CDKN2B-AS1: variants seen among roughly 807,000 people sequenced by gnomAD.
CDKN2B-AS1 encodes CDKN2B and CDKN2A antisense cis and trans regulatory RNA 1, also known as CDKN2B antisense RNA 1 (non-protein coding).
rs577647596 is a variant in CDKN2B-AS1 at position 22,063,514 on chromosome 9, T to C, written n.438+7127T>C. ...ATTGAGGACTTAACATCAGAGACCA[T>C]ATGTTTGTTGTGACAATAATCCAAA... On this transcript the variant is annotated intron_variant and non_coding_transcript_variant, in intron 4 of 4. Transcript: ENST00000650946. Among the ~76,000 whole-genome samples, 4 of 152,220 alleles carry C rather than the reference T, an allele frequency of 2.6e-5. No homozygotes were observed. In the East Asian group the frequency reaches 7.7e-4, roughly 29 times the overall value.
intron 1 of CDKN2B-AS1, among the ~76,000 whole-genome samples, chr9:22,034,360 A>G (rs1587434330): frequency 1.3e-5 from 2 of 152,140 alleles, no homozygotes; most frequent in South Asian, 4.1e-4. Flanking sequence ...CTATAGCACT[A>G]CTTTTTCATT....
intron 4 of CDKN2B-AS1, among the ~76,000 whole-genome samples, chr9:22,085,253 A>G (rs1824828605): frequency 6.6e-6 from 1 of 152,208 alleles, no homozygotes. Flanking sequence ...ATTAATTTGT[A>G]TGAGGTAAAG....
intron 1 of CDKN2B-AS1, chr9:22,012,567 C>A: frequency 1.9e-6 from 1 of 524,222 alleles, no homozygotes; most frequent in South Asian, 1.6e-5. Context: ...GGGCAGCCTC[C>A]TGCCCAGGCC....
chr9:22,009,591 G>A (rs1025953118), intron 1 of CDKN2B-AS1, among the ~76,000 whole-genome samples: 6 of 152,230 alleles, frequency 3.9e-5, no homozygotes, highest in African/African-American at 1.4e-4. Context: ...CTAATCCCCA[G>A]TAGGCGGAGC....
Position 22,006,756 on chromosome 9 carries a change from T to C in CDKN2B-AS1, n.29+11595T>C, listed in dbSNP as rs1422143091. Among the ~76,000 whole-genome samples the C allele has an allele frequency of 6.8e-6, 1 of 148,028 alleles. No homozygotes were observed. Among genetic ancestry groups the C allele is most frequent in the Non-Finnish European group, 1.5e-5 (1 of 67,032 alleles). On this transcript the variant is annotated intron_variant and non_coding_transcript_variant, in intron 1 of 4. Coordinates refer to ENST00000650946, the Ensembl canonical transcript of CDKN2B-AS1. The surrounding 1 kb of genome is among the most constrained non-coding windows in gnomAD (Gnocchi z 6.4). ...ATAAACAACTAAGTTTTTTTCTTTCTTTTTTTTTTAATTTATTTAGTTCTC... is the reference window on the plus strand; with the variant it reads ...ATAAACAACTAAGTTTTTTTCTTTCCTTTTTTTTTAATTTATTTAGTTCTC...
intron 4 of CDKN2B-AS1, among the ~76,000 whole-genome samples, chr9:22,114,691 A>G (rs1825899113): frequency 6.6e-6 from 1 of 152,220 alleles, no homozygotes; most frequent in South Asian, 2.1e-4. Flanking sequence ...GAAAGCATGG[A>G]CTCAGTACAA....
chr9:22,007,598 AT>A (rs1318460645), intron 1 of CDKN2B-AS1, among the ~76,000 whole-genome samples: 1 of 152,150 alleles, frequency 6.6e-6, no homozygotes, highest in Non-Finnish European at 1.5e-5. Context: ...AAAATATACC[AT>A]TTAATTGAAA....
chr9:22,098,193 A>C (rs935553434), intron 4 of CDKN2B-AS1, among the ~76,000 whole-genome samples: 7 of 150,196 alleles, frequency 4.7e-5, no homozygotes, highest in African/African-American at 1.7e-4. Flanking sequence ...GTGTATTTAT[A>C]TATGTGTGTA....
chr9:22,095,397 C>T (rs1018502909), intron 4 of CDKN2B-AS1, among the ~76,000 whole-genome samples: 5 of 144,466 alleles, frequency 3.5e-5, no homozygotes, highest in South Asian at 2.1e-4. Flanking sequence ...TGTAGGTGAG[C>T]GGTTTTGAGT....
intron 1 of CDKN2B-AS1, among the ~76,000 whole-genome samples, chr9:22,018,549 C>T (rs902381060): frequency 4.1e-4 from 62 of 150,480 alleles, no homozygotes; most frequent in Admixed American, 8.0e-4. Context: ...CCCAGCTACT[C>T]GGGAGGCTGA....
At chr9:22,073,631 A>C (rs1010258533) in intron 4 of CDKN2B-AS1, among the ~76,000 whole-genome samples, 3 of 152,174 alleles carry the variant, frequency 2.0e-5, no homozygotes, top group Non-Finnish European at 4.4e-5. Flanking sequence ...TGATATGAAG[A>C]AACTGCCTGC....
rs1820708500 is a variant in CDKN2B-AS1, at chr9:21,996,770, G to C, written n.29+1609G>C. ...GCTTTAGAAAGGGTTAGTTCATCCTGGAAGAAAAACGATGTCGGATGCCAG... is the reference window on the plus strand; with the variant it reads ...GCTTTAGAAAGGGTTAGTTCATCCTCGAAGAAAAACGATGTCGGATGCCAG... On this transcript the variant is annotated intron_variant and non_coding_transcript_variant, in intron 1 of 4. Coordinates refer to ENST00000650946, the Ensembl canonical transcript of CDKN2B-AS1. The surrounding 1 kb of genome is among the most constrained non-coding windows in gnomAD (Gnocchi z 5.4). Among the ~76,000 whole-genome samples, 1 of 152,156 alleles carries C rather than the reference G, an allele frequency of 6.6e-6. No homozygotes were observed. The highest frequency in any genetic ancestry group is 2.1e-4 in the South Asian group (1 of 4,826).
chr9:22,010,436 G>A (rs769438539), intron 1 of CDKN2B-AS1, among the ~76,000 whole-genome samples: 5 of 152,178 alleles, frequency 3.3e-5, no homozygotes, highest in Non-Finnish European at 5.9e-5. Context: ...GAATCATTTT[G>A]GTTCGGAGTG....
intron 4 of CDKN2B-AS1, among the ~76,000 whole-genome samples, chr9:22,123,691 G>C (rs1445081035): frequency 6.6e-6 from 1 of 151,646 alleles, no homozygotes; most frequent in Non-Finnish European, 1.5e-5. Context: ...TCAGAGAGAA[G>C]TGAGGGCTTA....
At chr9:22,009,878 A>G (rs1467856446) in intron 1 of CDKN2B-AS1, among the ~76,000 whole-genome samples, 1 of 152,182 alleles carries the variant, frequency 6.6e-6, no homozygotes, top group Non-Finnish European at 1.5e-5. Context: ...CCCGAGAATC[A>G]TGTTTTGCGT....
At chr9:22,052,694 G>A (rs746489465) in intron 3 of CDKN2B-AS1, among the ~76,000 whole-genome samples, 4 of 152,150 alleles carry the variant, frequency 2.6e-5, no homozygotes, top group Non-Finnish European at 5.9e-5. Flanking sequence ...CACAAATCCC[G>A]CATTTGTTTA....
At chr9:22,052,017 G>A (rs1823367660) in intron 3 of CDKN2B-AS1, among the ~76,000 whole-genome samples, 1 of 152,038 alleles carries the variant, frequency 6.6e-6, no homozygotes, top group African/African-American at 2.4e-5. Flanking sequence ...CATGACTGTG[G>A]TCCTCACATC....
chr9:22,050,181 C>T (rs1482693331), intron 3 of CDKN2B-AS1, among the ~76,000 whole-genome samples: 1 of 152,158 alleles, frequency 6.6e-6, no homozygotes, highest in African/African-American at 2.4e-5. Flanking sequence ...TGTGTATGTA[C>T]CTTCCATAGC....
chr9:22,099,277 A>G (rs1359689216), intron 4 of CDKN2B-AS1, among the ~76,000 whole-genome samples: 1 of 152,196 alleles, frequency 6.6e-6, no homozygotes, highest in African/African-American at 2.4e-5. Context: ...GGAAATGGGA[A>G]GAGACTTGAA....
Sources: allele counts gnomAD v4.1 joint callset (sites outside exome capture counted in the v4.1 genomes callset), GRCh38; gene constraint gnomAD v4.1.1; non-coding constraint Gnocchi (gnomAD v3.1); transcripts MANE v1.5; gene names NCBI Gene and HGNC (gene_info 2026-07-23, HGNC 2026-07-21).